The following ACYP1 variants were observed in gnomAD, a reference collection of about 807,000 sequenced individuals.
ACYP1 encodes the protein acylphosphatase-1.
In ACYP1, 8 loss-of-function variants were observed where a neutral mutation model predicts 10.4. That is an observed-to-expected ratio of 0.77 (90% confidence interval 0.45 to 1.38). ACYP1 has a LOEUF of 1.38. ACYP1 is among the 40% of genes most tolerant of loss of function. The pLI is 0.00. For synonymous variants in ACYP1, 38 were observed against 40.8 expected (o/e 0.93, Z 0.26); for missense variants, 93 against 117.3 (o/e 0.79, Z 0.96).
At chr14:75,066,646 A>C (rs897153084), upstream of ACYP1, among the ~76,000 whole-genome samples, 1 of 152,150 alleles carries the variant, frequency 6.6e-6, no homozygotes. Flanking sequence ...CAGGTGGATC[A>C]CCTGAGGTCA....
intron 2 of ACYP1, among the ~76,000 whole-genome samples, chr14:75,058,227 T>A (rs1013316291): frequency 4.6e-5 from 7 of 150,538 alleles, no homozygotes; most frequent in African/African-American, 1.7e-4. Flanking sequence ...GGCGGGCGGA[T>A]CACCTGAGGT....
chr14:75,053,563 G>A lies in ACYP1; in HGVS notation c.181C>T (p.His61Tyr). 6.2e-7 allele frequency: 1 copy of A among 1,614,172 alleles called. No individual in the cohort carries two copies. The highest frequency in any genetic ancestry group is 1.1e-5 in the South Asian group (1 of 91,084). The stretch of plus-strand genomic sequence containing the variant: ...CTTGTTTCAAGCCATTCCTGCATAT[G>A]ACGCACCTTGGAGATGGGACCTTGC... ...QLQGPISKVR[H>Y]MQEWLETRGS... The change falls in exon 3 of 3, where the codon CAT (histidine) becomes TAT (tyrosine). Residue 61 changes from histidine (H) to tyrosine (Y), a missense_variant. By Grantham distance (83) the His-to-Tyr change is moderately conservative. Transcript: ENST00000238618.
chr14:75,067,734 A>G (rs175500), upstream of ACYP1, among the ~76,000 whole-genome samples: 1,504 of 152,248 alleles, frequency 9.9e-3, 11 homozygotes, highest in South Asian at 0.022. Context: ...TCTCACGTCT[A>G]TAATCTCAGT....
intron 2 of ACYP1, among the ~76,000 whole-genome samples, chr14:75,056,164 T>C (rs1892872654): frequency 6.6e-6 from 1 of 151,284 alleles, no homozygotes; most frequent in African/African-American, 2.5e-5. Context: ...CCAGATGGCT[T>C]CATGGGTAAA....
chr14:75,055,031 C>T (rs1395836392), intron 2 of ACYP1, among the ~76,000 whole-genome samples: 2 of 148,488 alleles, frequency 1.3e-5, no homozygotes, highest in Non-Finnish European at 3.0e-5. Context: ...AGGAGGTTGT[C>T]ACAGTCAAAT....
chr14:75,063,311 G>A, intron 2 of ACYP1, 159 bp downstream of exon 2: 1 of 625,278 alleles, frequency 1.6e-6, no homozygotes, highest in East Asian at 2.8e-5. Context: ...ATGTTTTACC[G>A]ATTGCACAGC....
chr14:75,057,963 T>TGAAAAAAA, intron 2 of ACYP1, among the ~76,000 whole-genome samples: 1 of 1,138 alleles, frequency 8.8e-4, no homozygotes, highest in Non-Finnish European at 3.5e-3. Context: ...AGACTCTGTC[T>TGAAAAAAA]CAAAAAAAAA....
At chr14:75,063,658 A>T (rs561137766) in intron 1 of ACYP1, 97 bp from the exon 2 acceptor site, 1 of 976,392 alleles carries the variant, frequency 1.0e-6, no homozygotes, top group Non-Finnish European at 1.6e-6. Flanking sequence ...GTCCATCCTT[A>T]ACCATTGCGA....
chr14:75,054,249 T>A (rs1892821357), intron 2 of ACYP1, among the ~76,000 whole-genome samples: 1 of 146,180 alleles, frequency 6.8e-6, no homozygotes, highest in African/African-American at 2.7e-5. Flanking sequence ...CAAAGCCCAC[T>A]TTATTATCTT....
In ACYP1 at chr14:75,053,538, C is replaced by T. The variant is rs762031806; in HGVS notation, c.206G>A (p.Arg69Lys). ...VRHMQEWLET[R>K]GSPKSHIDKA... ...GTCGATGTGTGATTTAGGACTTCCT[C>T]TTGTTTCAAGCCATTCCTGCATATG... is the stretch of plus-strand genomic sequence containing the variant. The change falls in exon 3 of 3, where the codon AGA becomes AAA. Residue 69 changes from arginine (R) to lysine (K), a missense_variant. Coordinates refer to ENST00000238618, the MANE Select transcript of ACYP1 (RefSeq NM_001107.5). The T allele has an allele frequency of 3.7e-6, 6 of 1,614,174 alleles. No individual in the cohort carries two copies. Among genetic ancestry groups the T allele is most frequent in the Non-Finnish European group, 3.4e-6 (4 of 1,180,032 alleles).
intron 2 of ACYP1, chr14:75,060,071 C>T (rs1346692277): frequency 4.2e-6 from 2 of 470,782 alleles, no homozygotes; most frequent in Non-Finnish European, 7.5e-6. Context: ...CTGAATTGTA[C>T]ATTTAAAAAT....
At chr14:75,061,710 G>A (rs545017350) in intron 2 of ACYP1, 3 of 1,592,356 alleles carry the variant, frequency 1.9e-6, no homozygotes, top group Admixed American at 1.7e-5. Context: ...AAAGCTAACT[G>A]GAACACAGCT....
Position 75,061,750 on chromosome 14 carries a change from C to G in ACYP1, c.84+1720G>C, listed in dbSNP as rs370386647. On this transcript the variant is annotated intron_variant, in intron 2 of 2. Coordinates refer to ENST00000238618, the MANE Select transcript of ACYP1 (RefSeq NM_001107.5). ...CTGTGAGTTTCAGCAATTCTGTTTT[C>G]AACAGTCATTTCCTATTTGAGTGTC... 2.5e-6 allele frequency: 4 copies of G among 1,583,978 alleles called. No individual in the cohort carries two copies. The South Asian group carries it at 3.4e-5, about 13-fold the overall frequency.
intron 2 of ACYP1, among the ~76,000 whole-genome samples, chr14:75,055,079 CTTTTTTTTTTT>C (rs33920224): frequency 1.3e-5 from 1 of 75,084 alleles, no homozygotes; most frequent in Admixed American, 1.8e-4. Flanking sequence ...TATCTGAACT[CTTTTTTTTTTT>C]TTTTTTTTTT....
intron 2 of ACYP1, among the ~76,000 whole-genome samples, chr14:75,061,076 T>TCAACAA (rs75596450): frequency 0.026 from 3,892 of 150,340 alleles, 75 homozygotes; most frequent in South Asian, 0.055. Context: ...AGACTCTGTC[T>TCAACAA]CAACAACAAC....
chr14:75,063,312 A>G (rs1368881346), intron 2 of ACYP1, 158 bp downstream of exon 2: 5 of 628,916 alleles, frequency 8.0e-6, no homozygotes, highest in Non-Finnish European at 8.6e-6. Flanking sequence ...TGTTTTACCG[A>G]TTGCACAGCA....
At chr14:75,068,680 G>T (rs1239074978), upstream of ACYP1, among the ~76,000 whole-genome samples, 2 of 151,544 alleles carry the variant, frequency 1.3e-5, no homozygotes, top group Non-Finnish European at 2.9e-5. Flanking sequence ...ACGGAGAGGC[G>T]GTAGAGTCAA....
At chr14:75,061,429 A>G (rs762104678) in intron 2 of ACYP1, among the ~76,000 whole-genome samples, 2 of 152,256 alleles carry the variant, frequency 1.3e-5, no homozygotes, top group African/African-American at 2.4e-5. Context: ...GTTCAAATGA[A>G]CATATATATT....
chr14:75,059,541 G>T (rs1892967833), intron 2 of ACYP1, among the ~76,000 whole-genome samples: 2 of 152,132 alleles, frequency 1.3e-5, no homozygotes, highest in Non-Finnish European at 2.9e-5. Context: ...AGAAATATTT[G>T]TATATCATAC....
Sources: allele counts gnomAD v4.1 joint callset (sites outside exome capture counted in the v4.1 genomes callset), GRCh38; gene constraint gnomAD v4.1.1; transcripts MANE v1.5; gene names NCBI Gene and HGNC (gene_info 2026-07-23, HGNC 2026-07-21).